GLIS3: variants seen among roughly 807,000 people sequenced by gnomAD.
GLIS3 encodes zinc finger protein GLIS3.
GLIS3 carries 53 observed loss-of-function variants against 78.6 expected under a neutral mutation model. The observed-to-expected ratio is 0.67, with a 90% CI of 0.54 to 0.85. The LOEUF (loss-of-function observed/expected upper bound fraction) is 0.85. Ranked by LOEUF, GLIS3 falls within the 40% of genes least tolerant of loss-of-function variation. The pLI, the probability that GLIS3 is intolerant of heterozygous loss-of-function variation, is 0.00. For synonymous variants in GLIS3, 684 were observed against 509.9 expected (o/e 1.34, Z -4.60); for missense variants, 1,703 against 1,231.1 (o/e 1.38, Z -5.74).
intron 8 of GLIS3, among the ~76,000 whole-genome samples, chr9:3,858,564 G>A (rs1472195108): frequency 6.6e-6 from 1 of 151,904 alleles, no homozygotes; most frequent in East Asian, 1.9e-4. Flanking sequence ...CTCTATGTTA[G>A]TCAAATAAAT....
chr9:4,057,224 T>C (rs1826225231), intron 4 of GLIS3, among the ~76,000 whole-genome samples: 1 of 152,136 alleles, frequency 6.6e-6, no homozygotes, highest in South Asian at 2.1e-4. Flanking sequence ...CCCCTACCCT[T>C]AGAAGGCCTC....
the GLIS3 span, among the ~76,000 whole-genome samples, chr9:4,489,204 C>A: frequency 6.6e-6 from 1 of 152,160 alleles, no homozygotes; most frequent in African/African-American, 2.4e-5. Flanking sequence ...CTCGGACACC[C>A]AACGACCTTA....
At chr9:4,464,088 T>C in the GLIS3 span, among the ~76,000 whole-genome samples, 10 of 152,136 alleles carry the variant, frequency 6.6e-5, no homozygotes, top group African/African-American at 2.4e-4. Context: ...TTGAACAAAG[T>C]AGAATCACAC....
chr9:4,094,139 A>C (rs1312208187), intron 4 of GLIS3, among the ~76,000 whole-genome samples: 1 of 152,342 alleles, frequency 6.6e-6, no homozygotes, highest in African/African-American at 2.4e-5. Context: ...GATAGACAGA[A>C]AGAGATGGGA....
chr9:4,303,174 A>G (rs900183540), upstream of GLIS3, among the ~76,000 whole-genome samples: 2 of 152,100 alleles, frequency 1.3e-5, no homozygotes, highest in East Asian at 3.9e-4. Context: ...CTCCTCCCAC[A>G]AAGTGTCCGT....
At chr9:3,926,809 G>A (rs541211764) in intron 6 of GLIS3, among the ~76,000 whole-genome samples, 1 of 151,896 alleles carries the variant, frequency 6.6e-6, no homozygotes, top group East Asian at 2.0e-4. Context: ...ATTTTTAGTA[G>A]AAATGGGGAT....
intron 4 of GLIS3, among the ~76,000 whole-genome samples, chr9:3,940,720 G>C (rs1815824736): frequency 6.6e-6 from 1 of 152,194 alleles, no homozygotes; most frequent in Non-Finnish European, 1.5e-5. Flanking sequence ...GACAAACGCA[G>C]GGTGACAGTG....
chr9:4,169,986 C>T (rs538625617), intron 2 of GLIS3, among the ~76,000 whole-genome samples: 57 of 152,246 alleles, frequency 3.7e-4, no homozygotes, highest in South Asian at 6.2e-4. Flanking sequence ...AAAAGGGATA[C>T]GCCAGAGAAT....
chr9:4,172,762 C>G lies in GLIS3; in HGVS notation c.389-46821G>C, dbSNP rs185247617. Among the ~76,000 whole-genome samples the G allele has an allele frequency of 2.6e-4, 39 of 152,262 alleles. No homozygotes were observed. The East Asian group carries it at 5.4e-3, about 21-fold the overall frequency. ...TAAATCATTAGGAAATAAACTCAAG[C>G]TATGCAATACCAATCACTGTTAGAA... is the stretch of plus-strand genomic sequence containing the variant. On this transcript the variant is annotated intron_variant, in intron 2 of 10. Coordinates refer to ENST00000381971, the MANE Select transcript of GLIS3 (RefSeq NM_001042413.2).
intron 4 of GLIS3, among the ~76,000 whole-genome samples, chr9:4,038,526 C>G (rs192622924): frequency 6.6e-6 from 1 of 152,290 alleles, no homozygotes; most frequent in Admixed American, 6.5e-5. Context: ...ATCCAATACA[C>G]TTTCCCAGGC....
In GLIS3 at chr9:4,230,560, A is replaced by G. The variant is rs527580298; in HGVS notation, c.388+55478T>C. Among the ~76,000 whole-genome samples, 26 of 152,272 alleles carry G rather than the reference A, an allele frequency of 1.7e-4. 1 individual carries two copies. The South Asian group carries it at 2.7e-3, about 16-fold the overall frequency. ...TGTGGACCTAGAAAAGAAGGAAAGA[A>G]GTCTCAGGAAAAGAATTGAGTCAGG... On this transcript the variant is annotated intron_variant, in intron 2 of 10. Coordinates refer to ENST00000381971, the MANE Select transcript of GLIS3 (RefSeq NM_001042413.2).
the GLIS3 span, among the ~76,000 whole-genome samples, chr9:4,373,476 G>C: frequency 6.6e-6 from 1 of 152,136 alleles, no homozygotes; most frequent in African/African-American, 2.4e-5. Context: ...GGAACAAACT[G>C]CTCTGGGGGG....
At chr9:3,842,773 C>T (rs903812901) in intron 9 of GLIS3, among the ~76,000 whole-genome samples, 1 of 152,196 alleles carries the variant, frequency 6.6e-6, no homozygotes, top group Admixed American at 6.5e-5. Flanking sequence ...TCTAAGAGAA[C>T]ATCTTTAGAT....
intron 2 of GLIS3, among the ~76,000 whole-genome samples, chr9:4,218,320 G>A (rs538424540): frequency 1.1e-3 from 163 of 151,848 alleles, no homozygotes; most frequent in African/African-American, 3.8e-3. Context: ...GTCTCGCTCT[G>A]TCGCCCACAG....
chr9:4,107,296 GAC>G (rs779451001), intron 4 of GLIS3, among the ~76,000 whole-genome samples: 4 of 152,096 alleles, frequency 2.6e-5, no homozygotes, highest in Non-Finnish European at 5.9e-5. Flanking sequence ...TGTCCTCCTG[GAC>G]ACACAGGAAG....
chr9:4,136,176 C>G (rs1001038039), intron 2 of GLIS3, among the ~76,000 whole-genome samples: 1 of 152,152 alleles, frequency 6.6e-6, no homozygotes, highest in Non-Finnish European at 1.5e-5. Context: ...ACCTCCATGG[C>G]GCTCACAACC....
intron 8 of GLIS3, among the ~76,000 whole-genome samples, chr9:3,872,642 C>G (rs890689825): frequency 6.6e-6 from 1 of 152,104 alleles, no homozygotes; most frequent in Non-Finnish European, 1.5e-5. Context: ...GAAACCATCC[C>G]GATGATTCAA....
the GLIS3 span, among the ~76,000 whole-genome samples, chr9:4,359,163 A>G: frequency 6.6e-6 from 1 of 152,102 alleles, no homozygotes; most frequent in Non-Finnish European, 1.5e-5. Flanking sequence ...CAGTTGTTCC[A>G]GTATGTCCCA....
chr9:4,309,183 G>T (rs371400568), intron 3 of GLIS3, among the ~76,000 whole-genome samples: 3 of 152,110 alleles, frequency 2.0e-5, no homozygotes, highest in Non-Finnish European at 4.4e-5. Context: ...CCCGTGCCTC[G>T]TTTACAACTG....
Sources: allele counts gnomAD v4.1 joint callset (sites outside exome capture counted in the v4.1 genomes callset), GRCh38; gene constraint gnomAD v4.1.1; transcripts MANE v1.5; gene names NCBI Gene and HGNC (gene_info 2026-07-23, HGNC 2026-07-21).